GRM7: variants seen among roughly 807,000 people sequenced by gnomAD.
The protein encoded by GRM7 is glutamate metabotropic receptor 7.
GRM7 carries 35 observed loss-of-function variants against 84.5 expected under a neutral mutation model. The observed-to-expected ratio is 0.41, with a 90% CI of 0.32 to 0.55. GRM7 has a LOEUF of 0.55. Ranked by LOEUF, GRM7 falls within the 20% of genes least tolerant of loss-of-function variation. GRM7 has a pLI of 0.19. For synonymous variants in GRM7, 487 were observed against 455.1 expected (o/e 1.07, Z -0.89); for missense variants, 1,003 against 1,194.6 (o/e 0.84, Z 2.36).
chr3:6,914,109 C>T (rs1049950717), intron 1 of GRM7, among the ~76,000 whole-genome samples: 20 of 152,112 alleles, frequency 1.3e-4, no homozygotes, highest in Non-Finnish European at 2.6e-4. Context: ...CTAGAAAATT[C>T]CTTCATGTTA....
intron 1 of GRM7, among the ~76,000 whole-genome samples, chr3:7,125,167 TG>T (rs941336913): frequency 1.2e-4 from 19 of 152,252 alleles, no homozygotes; most frequent in African/African-American, 3.9e-4. Flanking sequence ...CTCAAACTCC[TG>T]ACCTCAAGTG....
chr3:6,906,725 T>C (rs1418981350), intron 1 of GRM7, among the ~76,000 whole-genome samples: 3 of 152,200 alleles, frequency 2.0e-5, no homozygotes. Context: ...ACAGTGTGTC[T>C]CATTTATACC....
At chr3:7,180,736 C>G (rs1236462861) in intron 2 of GRM7, among the ~76,000 whole-genome samples, 1 of 152,094 alleles carries the variant, frequency 6.6e-6, no homozygotes, top group East Asian at 1.9e-4. Flanking sequence ...TGTCTCTATG[C>G]CGATTATAAA....
At chr3:7,702,874 C>A (rs1353375212) in intron 9 of GRM7, among the ~76,000 whole-genome samples, 1 of 151,918 alleles carries the variant, frequency 6.6e-6, no homozygotes, top group Non-Finnish European at 1.5e-5. Flanking sequence ...AAAAAATACA[C>A]TGAAATACAG....
intron 1 of GRM7, among the ~76,000 whole-genome samples, chr3:7,135,454 A>C (rs1693740973): frequency 6.6e-6 from 1 of 152,216 alleles, no homozygotes; most frequent in South Asian, 2.1e-4. Context: ...ATACTTTCAA[A>C]AATTCGCCTT....
chr3:7,662,721 A>C (rs2125124968), intron 8 of GRM7, among the ~76,000 whole-genome samples: 1 of 152,334 alleles, frequency 6.6e-6, no homozygotes, highest in African/African-American at 2.4e-5. Context: ...AGAAAACAAT[A>C]AGCAGGAAAT....
At chr3:6,902,559 A>C (rs1202871973) in intron 1 of GRM7, among the ~76,000 whole-genome samples, 1 of 152,174 alleles carries the variant, frequency 6.6e-6, no homozygotes, top group African/African-American at 2.4e-5. Flanking sequence ...AACTTGTTCT[A>C]TTATCTCTTA....
At chr3:6,886,333 C>T (rs1235413475) in intron 1 of GRM7, among the ~76,000 whole-genome samples, 1 of 151,776 alleles carries the variant, frequency 6.6e-6, no homozygotes, top group African/African-American at 2.4e-5. Flanking sequence ...ACCCACACAC[C>T]GGGGCCTGTT....
chr3:6,889,858 G>A (rs1445606388), intron 1 of GRM7, among the ~76,000 whole-genome samples: 2 of 152,104 alleles, frequency 1.3e-5, no homozygotes, highest in Non-Finnish European at 2.9e-5. Context: ...AATCCATCTG[G>A]TCCTGGACTC....
intron 1 of GRM7, among the ~76,000 whole-genome samples, chr3:6,913,112 CAAAG>C (rs1223933224): frequency 6.6e-6 from 1 of 152,114 alleles, no homozygotes; most frequent in African/African-American, 2.4e-5. Context: ...ATTTGATACT[CAAAG>C]AAATATATCT....
chr3:7,005,990 A>T (rs1695171095), intron 1 of GRM7, among the ~76,000 whole-genome samples: 1 of 152,204 alleles, frequency 6.6e-6, no homozygotes, highest in Non-Finnish European at 1.5e-5. Flanking sequence ...AGCCAAACTC[A>T]TTCAAACCAT....
chr3:7,495,483 C>G (rs1699668097), intron 7 of GRM7, among the ~76,000 whole-genome samples: 1 of 152,096 alleles, frequency 6.6e-6, no homozygotes, highest in African/African-American at 2.4e-5. Flanking sequence ...GGAGAAAAGG[C>G]TCAGACCCGT....
chr3:7,359,731 T>C (rs1426527137), intron 4 of GRM7, among the ~76,000 whole-genome samples: 1 of 146,738 alleles, frequency 6.8e-6, no homozygotes, highest in Admixed American at 6.8e-5. Context: ...TTACTCTGTA[T>C]TATTGTAAAT....
At chr3:7,413,816 A>G (rs1436786885) in intron 4 of GRM7, among the ~76,000 whole-genome samples, 2 of 152,160 alleles carry the variant, frequency 1.3e-5, no homozygotes, top group African/African-American at 4.8e-5. Flanking sequence ...GGTGACTAAG[A>G]CAATCTGCTA....
chr3:7,578,721 C>T lies in GRM7; in HGVS notation c.1815C>T (p.Thr605=), dbSNP rs1474247725. The change falls in exon 8 of 10, where the codon ACC becomes ACT. Residue 605 remains threonine (T), a synonymous_variant. Transcript: ENST00000357716. ...VFLAMLGIIA[T]IFVMATFIRY... ...TGGCAATGTTGGGGATCATTGCCAC[C>T]ATCTTTGTCATGGCCACTTTCATCC... is the stretch of plus-strand genomic sequence containing the variant. 2.5e-6 allele frequency: 4 copies of T among 1,614,116 alleles called. No homozygotes were observed. The highest frequency in any genetic ancestry group is 3.4e-6 in the Non-Finnish European group (4 of 1,179,992).
intron 1 of GRM7, among the ~76,000 whole-genome samples, chr3:6,932,644 A>G (rs1697544103): frequency 6.6e-6 from 1 of 151,700 alleles, no homozygotes; most frequent in South Asian, 2.1e-4. Flanking sequence ...ATTAGATATT[A>G]TGTTCATCAT....
chr3:7,166,750 G>A (rs557990739), intron 2 of GRM7, among the ~76,000 whole-genome samples: 23 of 152,276 alleles, frequency 1.5e-4, no homozygotes, highest in African/African-American at 4.8e-4. Context: ...CAGAGAAAAT[G>A]ATTCTGCTTG....
chr3:7,523,061 G>A (rs999515640), intron 7 of GRM7, among the ~76,000 whole-genome samples: 102 of 152,226 alleles, frequency 6.7e-4, no homozygotes, highest in African/African-American at 2.3e-3. Flanking sequence ...TTCAGATCTA[G>A]GAAAAAGAAA....
At chr3:7,300,437 T>C (rs1699958626) in intron 3 of GRM7, among the ~76,000 whole-genome samples, 2 of 152,212 alleles carry the variant, frequency 1.3e-5, no homozygotes, top group South Asian at 4.1e-4. Context: ...TCTTAGATAA[T>C]GAGCACTGTC....
Sources: gnomAD v4.1 joint callset for allele counts (sites outside exome capture counted in the v4.1 genomes callset) on GRCh38, gnomAD v4.1.1 for gene constraint, MANE v1.5 for transcripts, NCBI Gene and HGNC (gene_info 2026-07-23, HGNC 2026-07-21) for gene names.